Variants in ERC2 observed in about 807,000 individuals in gnomAD.
ERC2 encodes the protein ERC protein 2.
ERC2 carries 42 observed loss-of-function variants against 114.8 expected under a neutral mutation model. The observed-to-expected ratio is 0.37, with a 90% confidence interval of 0.29 to 0.47. The LOEUF (loss-of-function observed/expected upper bound fraction) is 0.47, where lower values mean the gene tolerates loss of function less well. Ranked by LOEUF, ERC2 falls within the 20% of genes least tolerant of loss-of-function variation. The pLI, the probability that ERC2 is intolerant of heterozygous loss-of-function variation, is 0.99. For missense variants in ERC2, 939 were observed against 1,150.7 expected, an observed-to-expected ratio of 0.82 and a Z score of 2.66; for synonymous variants, 454 against 425.5, an observed-to-expected ratio of 1.07 and a Z score of -0.82.
At chr3:55,944,842 G>A (rs2067028028) in intron 13 of ERC2, among the ~76,000 whole-genome samples, 1 of 152,156 alleles carries the variant, frequency 6.6e-6, no homozygotes, top group Admixed American at 6.5e-5. Flanking sequence ...AGGAAAGAAA[G>A]CACTTCTGTG....
Position 55,656,147 on chromosome 3 carries a change from A to AT in ERC2, c.*39+27646dup, listed in dbSNP as rs944723817. Among the ~76,000 whole-genome samples the AT allele has an allele frequency of 4.0e-5, 6 of 148,160 alleles. No homozygotes were observed. In the East Asian group the frequency reaches 8.0e-4, roughly 20 times the overall value. ...ATTTTTCTGAGTTTTGATTTAAAGA[A>AT]TTTTTTTTAGAAGAAAAAGTCTCAC... On this transcript the variant is annotated intron_variant, in intron 17 of 17. Coordinates refer to ENST00000288221, the MANE Select transcript of ERC2 (RefSeq NM_015576.3).
intron 7 of ERC2, among the ~76,000 whole-genome samples, chr3:56,062,584 G>C (rs1009533367): frequency 6.6e-6 from 1 of 152,180 alleles, no homozygotes; most frequent in East Asian, 1.9e-4. Context: ...AACAAGAAGC[G>C]CTCATTTCTT....
intron 17 of ERC2, among the ~76,000 whole-genome samples, chr3:55,521,169 G>A (rs2052906149): frequency 6.6e-6 from 1 of 152,220 alleles, no homozygotes; most frequent in Non-Finnish European, 1.5e-5. Flanking sequence ...CTCGTTTGAA[G>A]ATCAAGGTTT....
chr3:55,666,132 C>T (rs1292667062), intron 17 of ERC2, among the ~76,000 whole-genome samples: 1 of 152,176 alleles, frequency 6.6e-6, no homozygotes, highest in Non-Finnish European at 1.5e-5. Context: ...AACAGGCACT[C>T]AGATTAAATC....
At chr3:56,057,558 C>T (rs1576743554) in intron 7 of ERC2, among the ~76,000 whole-genome samples, 1 of 152,290 alleles carries the variant, frequency 6.6e-6, no homozygotes, top group East Asian at 1.9e-4. Flanking sequence ...ACCTAAAATG[C>T]AGTACCAAAG....
In ERC2 at chr3:56,393,552, G is replaced by A. The variant is rs568557759; in HGVS notation, c.657+40799C>T. ...AACACAATTGTAATTCATTGTTTGT[G>A]TAGCTGTCTATTTAGGAACTATCAT... On this transcript the variant is annotated intron_variant, in intron 2 of 17. Transcript: ENST00000288221. Among the ~76,000 whole-genome samples, 34 of 152,182 alleles carry A rather than the reference G, an allele frequency of 2.2e-4. No individual in the cohort carries two copies. In the South Asian group the frequency reaches 7.1e-3, roughly 32 times the overall value.
In ERC2 at chr3:56,264,422, C is replaced by A. The variant is rs576941735; in HGVS notation, c.1074+31597G>T. On this transcript the variant is annotated intron_variant, in intron 3 of 17. Transcript: ENST00000288221. ...GACCAGCCTGGCCAACGTGGTGAAA[C>A]CCCGCCTCTACTGAAAATACAAAAA... Among the ~76,000 whole-genome samples, 3 of 152,106 alleles carry A rather than the reference C, an allele frequency of 2.0e-5. No individual in the cohort carries two copies. In the East Asian group the frequency reaches 5.8e-4, roughly 29 times the overall value.
At chr3:56,048,842 T>C (rs1348724332) in intron 7 of ERC2, among the ~76,000 whole-genome samples, 1 of 152,070 alleles carries the variant, frequency 6.6e-6, no homozygotes, top group African/African-American at 2.4e-5. Context: ...CTTCAGACAG[T>C]GATAAGTACA....
At chr3:56,000,343 G>T (rs991559082) in intron 10 of ERC2, among the ~76,000 whole-genome samples, 1 of 151,926 alleles carries the variant, frequency 6.6e-6, no homozygotes, top group African/African-American at 2.4e-5. Flanking sequence ...TACAGGTCAA[G>T]AACCTAAAAA....
chr3:56,356,589 C>T (rs1196727853), intron 2 of ERC2, among the ~76,000 whole-genome samples: 1 of 152,202 alleles, frequency 6.6e-6, no homozygotes, highest in Non-Finnish European at 1.5e-5. Context: ...GGTCAAGCAT[C>T]TACTCTCACA....
intron 2 of ERC2, among the ~76,000 whole-genome samples, chr3:56,307,931 G>A (rs1246345099): frequency 6.6e-6 from 1 of 152,098 alleles, no homozygotes; most frequent in Non-Finnish European, 1.5e-5. Flanking sequence ...GAGGACCAGA[G>A]GGAAACTGTC....
intron 2 of ERC2, among the ~76,000 whole-genome samples, chr3:56,421,309 C>G (rs1349035203): frequency 6.6e-6 from 1 of 152,214 alleles, no homozygotes; most frequent in African/African-American, 2.4e-5. Context: ...GCATATTTCC[C>G]AGCAATGGCT....
chr3:55,646,060 A>G (rs2060384120), intron 17 of ERC2, among the ~76,000 whole-genome samples: 1 of 152,152 alleles, frequency 6.6e-6, no homozygotes, highest in Admixed American at 6.6e-5. Context: ...TTCCAAACCA[A>G]TTTCACAACG....
intron 14 of ERC2, 25 bp downstream of exon 14, chr3:55,888,364 T>G: frequency 2.5e-6 from 4 of 1,613,170 alleles, no homozygotes; most frequent in Non-Finnish European, 3.4e-6. Flanking sequence ...AGAGAGAGGC[T>G]ACCAAAGCAG....
intron 14 of ERC2, among the ~76,000 whole-genome samples, chr3:55,849,815 T>C (rs2061499223): frequency 6.6e-6 from 1 of 152,148 alleles, no homozygotes; most frequent in Non-Finnish European, 1.5e-5. Flanking sequence ...CTGCCCAAAT[T>C]AGGAGACAGC....
chr3:55,760,377 T>C (rs974835521), intron 14 of ERC2, among the ~76,000 whole-genome samples: 3 of 152,220 alleles, frequency 2.0e-5, no homozygotes, highest in Admixed American at 2.0e-4. Context: ...GTGATATTTT[T>C]TTTTGTAATA....
chr3:55,596,600 A>G (rs17055481), intron 17 of ERC2, among the ~76,000 whole-genome samples: 3,952 of 152,232 alleles, frequency 0.026, 152 homozygotes, highest in African/African-American at 0.089. Context: ...AAAGTCAGTA[A>G]AAAAATTAAA....
chr3:55,785,184 G>T (rs978335369), intron 14 of ERC2, among the ~76,000 whole-genome samples: 2 of 152,232 alleles, frequency 1.3e-5, no homozygotes, highest in East Asian at 3.9e-4. Flanking sequence ...GATAATTCAG[G>T]GTACACAAGG....
chr3:56,240,550 A>G (rs1249819043), intron 3 of ERC2, among the ~76,000 whole-genome samples: 1 of 152,196 alleles, frequency 6.6e-6, no homozygotes, highest in Non-Finnish European at 1.5e-5. Context: ...ATCATCTACC[A>G]TATTTCTTCT....
Sources: allele counts gnomAD v4.1 joint callset (sites outside exome capture counted in the v4.1 genomes callset), GRCh38; gene constraint gnomAD v4.1.1; transcripts MANE v1.5; gene names NCBI Gene and HGNC (gene_info 2026-07-23, HGNC 2026-07-21).